CD248: variants seen among roughly 807,000 people sequenced by gnomAD.
CD248 encodes endosialin.
CD248 carries 7 observed loss-of-function variants against 8.0 expected under a neutral mutation model. That is an observed-to-expected ratio of 0.88 (90% CI 0.50 to 1.64). CD248 has a LOEUF of 1.64. CD248 is among the 40% of genes most tolerant of loss of function. The pLI, the probability that CD248 is intolerant of heterozygous loss-of-function variation, is 0.00. For synonymous variants in CD248, 418 were observed against 437.1 expected, an observed-to-expected ratio of 0.96 and a Z score of 0.54; for missense variants, 912 against 1,027.2, an observed-to-expected ratio of 0.89 and a Z score of 1.53.
chr11:66,315,954 G>A lies in CD248; in HGVS notation c.1074C>T (p.Ala358=), dbSNP rs754795252. ...CATCTCCGAGGTCCTGGGAAGCCTG[G>A]GCACCCATGGCCCCTGCAGGGCTGC... is the stretch of plus-strand genomic sequence containing the variant. ...ISCSPAGAMG[A]QASQDLGDEL... Residue 358 remains alanine, a synonymous_variant, in exon 1 of 1, where the codon GCC becomes GCT. Coordinates refer to ENST00000311330, the MANE Select transcript of CD248 (RefSeq NM_020404.3). The surrounding 1 kb of genome is among the most constrained non-coding windows in gnomAD (Gnocchi z 4.3). 1.2e-6 allele frequency: 2 copies of A among 1,613,154 alleles called. No homozygotes were observed. Among genetic ancestry groups the A allele is most frequent in the East Asian group, 2.2e-5 (1 of 44,896 alleles).
Position 66,316,895 on chromosome 11 carries a change from G to A in CD248, c.133C>T (p.Leu45=). 1 of 1,556,558 alleles carries A rather than the reference G, an allele frequency of 6.4e-7. No homozygotes were observed. Residue 45 remains leucine, a synonymous_variant, in exon 1 of 1, where the codon CTG becomes TTG. Transcript: ENST00000311330. ...TCGCGGCAGGCCCGCCAGGCCTCCAGGAAGGTGCGGCGCCGTGGGAAGAGA... is the reference window on the plus strand; with the variant it reads ...TCGCGGCAGGCCCGCCAGGCCTCCAAGAAGGTGCGGCGCCGTGGGAAGAGA... ...YALFPRRRTF[L]EAWRACRELG...
chr11:66,316,036 C>T lies in CD248; in HGVS notation c.992G>A (p.Gly331Asp), dbSNP rs749702408. ...VCQQMCVNYV[G>D]GFECYCSEGH... is the part of the protein sequence containing the mutation. ...CTCGCTACAATAACACTCGAAGCCACCAACGTAGTTGACACACATCTGCTG... is the reference window on the plus strand; with the variant it reads ...CTCGCTACAATAACACTCGAAGCCATCAACGTAGTTGACACACATCTGCTG... The change falls in exon 1 of 1, where the codon GGT (glycine) becomes GAT (aspartate). Residue 331 changes from glycine to aspartate, a missense_variant. Gly to Asp is a moderately conservative substitution (Grantham distance 94). Around this residue, in one of 3 missense-constraint regions of CD248, gnomAD observed 507 missense variants for 562.2 expected, o/e 0.90. Coordinates refer to ENST00000311330, the MANE Select transcript of CD248 (RefSeq NM_020404.3). 1 of 1,613,740 alleles carries T rather than the reference C, an allele frequency of 6.2e-7. No homozygotes were observed. Among genetic ancestry groups the T allele is most frequent in the East Asian group, 2.2e-5 (1 of 44,886 alleles).
rs1327400821 is a variant in CD248, at chr11:66,316,960, G to A, written c.68C>T (p.Ala23Val). The A allele has an allele frequency of 6.5e-7, 1 of 1,544,426 alleles. No individual in the cohort carries two copies. The highest frequency in any genetic ancestry group is 8.6e-7 in the Non-Finnish European group (1 of 1,157,558). ...GGGGCCGCAGGCGGCACGGGGCTCA[G>A]CAGCCCAGGGGTCCTGGCCCAGTGT... ...GPTLGQDPWA[A>V]EPRAACGPSS... Residue 23 changes from alanine to valine, a missense_variant, in exon 1 of 1, where the codon GCT becomes GTT. This residue lies in a region of CD248 where 403 missense variants were observed against 446.2 expected (regional missense o/e 0.90). Coordinates refer to ENST00000311330, the MANE Select transcript of CD248 (RefSeq NM_020404.3).
In CD248 at chr11:66,315,098, G is replaced by A; in HGVS notation, c.1930C>T (p.Gln644Ter). 6.4e-7 allele frequency: 1 copy of A among 1,557,048 alleles called. No individual in the cohort carries two copies. Among genetic ancestry groups the A allele is most frequent in the Non-Finnish European group, 8.7e-7 (1 of 1,150,610 alleles). ...CTGGGGCCATCTTCCCTTGGGATTT[G>A]GGGGGCTTTGGAATGGGGATGTGTA... ...SPTHPHSKAP[Q>*]IPREDGPSPK... The change falls in exon 1 of 1, where the codon CAA becomes TAA. Residue 644 changes from glutamine (Q) to a stop codon, truncating the protein, a stop_gained. Coordinates refer to ENST00000311330, the MANE Select transcript of CD248 (RefSeq NM_020404.3). LOFTEE classifies it high-confidence loss of function. This position sits in a 1 kb window ranked among gnomAD's most constrained non-coding sequence, Gnocchi z 4.3.
rs373280249 is a variant in CD248, at chr11:66,316,533, C to T, written c.495G>A (p.Pro165=). ...LCQFGFEGAC[P]ALQDEAGQAG... ...CCTGGCCCGCCTCATCTTGCAGCGC[C>T]GGGCAGGCGCCCTCGAAGCCAAACT... The change falls in exon 1 of 1, where the codon CCG becomes CCA. Residue 165 remains proline, a synonymous_variant. Transcript: ENST00000311330. 181 of 1,598,998 alleles carry T rather than the reference C, an allele frequency of 1.1e-4. 2 individuals are homozygous for T. The highest frequency in any genetic ancestry group is 4.9e-4 in the Middle Eastern group (3 of 6,074).
chr11:66,315,508 G>C lies in CD248; in HGVS notation c.1520C>G (p.Ala507Gly). 6.2e-7 allele frequency: 1 copy of C among 1,614,100 alleles called. No homozygotes were observed. The highest frequency in any genetic ancestry group is 8.5e-7 in the Non-Finnish European group (1 of 1,180,002). Reference protein sequence around the residue: ...QPGILSVSHSAQPPAHQPPMI... With the variant: ...QPGILSVSHSGQPPAHQPPMI... ...AGGGGGCTGGTGGGCAGGAGGCTGT[G>C]CTGAATGAGAGACAGAGAGAATACC... The change falls in exon 1 of 1, where the codon GCA becomes GGA. Residue 507 changes from alanine to glycine, a missense_variant. Physicochemically the swap from Ala to Gly is moderately conservative, Grantham distance 60. Coordinates refer to ENST00000311330, the MANE Select transcript of CD248 (RefSeq NM_020404.3). The surrounding 1 kb of genome is among the most constrained non-coding windows in gnomAD (Gnocchi z 4.3).
In CD248 at chr11:66,315,665, C is replaced by T. The variant is rs1854538032; in HGVS notation, c.1363G>A (p.Ala455Thr). ...GCAGAAGGCAGTGTGGGATGCGTGG[C>T]AGAGACCACCACAGGCCGGGTGACG... ...LSVTRPVVVS[A>T]THPTLPSAHQ... The change falls in exon 1 of 1, where the codon GCC (alanine) becomes ACC (threonine). Residue 455 changes from alanine (A) to threonine (T), a missense_variant. Transcript: ENST00000311330. This position sits in a 1 kb window ranked among gnomAD's most constrained non-coding sequence, Gnocchi z 4.3. 1 of 1,613,706 alleles carries T rather than the reference C, an allele frequency of 6.2e-7. No homozygotes were observed. Among genetic ancestry groups the T allele is most frequent in the Non-Finnish European group, 8.5e-7 (1 of 1,179,866 alleles).
rs780607015 is a variant in CD248, at chr11:66,315,093, G to T, written c.1935C>A (p.Ile645=). 3 of 1,558,252 alleles carry T rather than the reference G, an allele frequency of 1.9e-6. No individual in the cohort carries two copies. The African/African-American group carries it at 4.1e-5, about 21-fold the overall frequency. ...PTHPHSKAPQ[I]PREDGPSPKL... ...TGGGACTGGGGCCATCTTCCCTTGGGATTTGGGGGGCTTTGGAATGGGGAT... is the reference window on the plus strand; with the variant it reads ...TGGGACTGGGGCCATCTTCCCTTGGTATTTGGGGGGCTTTGGAATGGGGAT... The change falls in exon 1 of 1, where the codon ATC becomes ATA. Residue 645 remains isoleucine, a synonymous_variant. Transcript: ENST00000311330. The surrounding 1 kb of genome is among the most constrained non-coding windows in gnomAD (Gnocchi z 4.3).
In CD248 at chr11:66,315,981, G is replaced by A; in HGVS notation, c.1047C>T (p.Ser349=). Residue 349 remains serine, a synonymous_variant, in exon 1 of 1, where the codon AGC becomes AGT. Transcript: ENST00000311330. The surrounding 1 kb of genome is among the most constrained non-coding windows in gnomAD (Gnocchi z 4.3). The part of the protein sequence containing the change: ...EGHELEADGI[S]CSPAGAMGAQ... ...CACCCATGGCCCCTGCAGGGCTGCA[G>A]CTGATGCCATCAGCCTCCAGCTCAT... The A allele has an allele frequency of 6.2e-7, 1 of 1,613,488 alleles. No homozygotes were observed. The highest frequency in any genetic ancestry group is 8.5e-7 in the Non-Finnish European group (1 of 1,180,028).
rs138260039 is a variant in CD248 at position 66,316,192 on chromosome 11, G to T, written c.836C>A (p.Pro279Gln). 4 of 1,612,556 alleles carry T rather than the reference G, an allele frequency of 2.5e-6. No homozygotes were observed. Among genetic ancestry groups the T allele is most frequent in the Non-Finnish European group, 3.4e-6 (4 of 1,179,940 alleles). Reference protein sequence around the residue: ...RSCEDPCAQAPCEQQCEPGGP... With the variant: ...RSCEDPCAQAQCEQQCEPGGP... ...ACCGGGCTCACACTGCTGCTCGCACGGAGCCTGGGCACAGGGGTCCTCGCA... is the reference window on the plus strand; with the variant it reads ...ACCGGGCTCACACTGCTGCTCGCACTGAGCCTGGGCACAGGGGTCCTCGCA... Residue 279 changes from proline (P) to glutamine (Q), a missense_variant, in exon 1 of 1, where the codon CCG becomes CAG. Transcript: ENST00000311330.
chr11:66,314,801 G>A lies in CD248; in HGVS notation c.2227C>T (p.Pro743Ser). 6.4e-7 allele frequency: 1 copy of A among 1,561,330 alleles called. No individual in the cohort carries two copies. Among genetic ancestry groups the A allele is most frequent in the Non-Finnish European group, 8.7e-7 (1 of 1,152,740 alleles). ...TGCACCCCTGTGAGGCTGCCCCTGG[G>A]GGGCATGGGTTCTGTTGGGCTCTTG... ...GSKSPTEPMP[P>S]RGSLTGVQTC... The change falls in exon 1 of 1, where the codon CCC becomes TCC. Residue 743 changes from proline to serine, a missense_variant. By Grantham distance (74) the Pro-to-Ser change is moderately conservative. Around this residue, in one of 3 missense-constraint regions of CD248, gnomAD observed 507 missense variants for 562.2 expected, o/e 0.90. Transcript: ENST00000311330. This position sits in a 1 kb window ranked among gnomAD's most constrained non-coding sequence, Gnocchi z 4.0.
chr11:66,316,922 C>T lies in CD248; in HGVS notation c.106G>A (p.Ala36Thr), dbSNP rs1854558758. The T allele has an allele frequency of 1.9e-6, 3 of 1,556,906 alleles. No individual in the cohort carries two copies. The highest frequency in any genetic ancestry group is 2.6e-6 in the Non-Finnish European group (3 of 1,162,120). The change falls in exon 1 of 1, where the codon GCT becomes ACT. Residue 36 changes from alanine (A) to threonine (T), a missense_variant. Physicochemically the swap from Ala to Thr is moderately conservative, Grantham distance 58. Around this residue, in one of 3 missense-constraint regions of CD248, gnomAD observed 403 missense variants for 446.2 expected, o/e 0.90. Coordinates refer to ENST00000311330, the MANE Select transcript of CD248 (RefSeq NM_020404.3). ...RAACGPSSCY[A>T]LFPRRRTFLE... is the part of the protein sequence containing the mutation. The stretch of plus-strand genomic sequence containing the variant: ...AAGGTGCGGCGCCGTGGGAAGAGAG[C>T]GTAGCAGCTGCTGGGGCCGCAGGCG...
Position 66,314,804 on chromosome 11 carries a change from G to T in CD248, c.2224C>A (p.Pro742Thr). 1 of 1,562,684 alleles carries T rather than the reference G, an allele frequency of 6.4e-7. No homozygotes were observed. The highest frequency in any genetic ancestry group is 8.7e-7 in the Non-Finnish European group (1 of 1,153,500). The change falls in exon 1 of 1, where the codon CCC (proline) becomes ACC (threonine). Residue 742 changes from proline to threonine, a missense_variant. Transcript: ENST00000311330. This position sits in a 1 kb window ranked among gnomAD's most constrained non-coding sequence, Gnocchi z 4.0. The stretch of plus-strand genomic sequence containing the variant: ...ACCCCTGTGAGGCTGCCCCTGGGGG[G>T]CATGGGTTCTGTTGGGCTCTTGCTC... The part of the protein sequence containing the change: ...AGSKSPTEPM[P>T]PRGSLTGVQT...
rs374558773 is a variant in CD248 at position 66,314,696 on chromosome 11, G to A, written c.*58C>T. On this transcript the variant is annotated 3_prime_UTR_variant, in exon 1 of 1. Coordinates refer to ENST00000311330, the MANE Select transcript of CD248 (RefSeq NM_020404.3). The surrounding 1 kb of genome is among the most constrained non-coding windows in gnomAD (Gnocchi z 4.0). ...GCTGGGCAGCCCCCATGGGTCCCTG[G>A]TGCAGCCCCGGCCATGTGTCCAGCG... 257 of 1,440,292 alleles carry A rather than the reference G, an allele frequency of 1.8e-4. 1 individual carries two copies. In the African/African-American group the frequency reaches 3.2e-3, roughly 18 times the overall value. 89.2% of individuals were successfully genotyped at this position (1,440,292 alleles called of 1,614,324 possible).
Position 66,314,707 on chromosome 11 carries a change from G to T in CD248, c.*47C>A. ...CCCATGGGTCCCTGGTGCAGCCCCG[G>T]CCATGTGTCCAGCGCCCCATACTCC... On this transcript the variant is annotated 3_prime_UTR_variant, in exon 1 of 1. Coordinates refer to ENST00000311330, the MANE Select transcript of CD248 (RefSeq NM_020404.3). The surrounding 1 kb of genome is among the most constrained non-coding windows in gnomAD (Gnocchi z 4.0). 6.8e-7 allele frequency: 1 copy of T among 1,478,514 alleles called. No individual in the cohort carries two copies. Among genetic ancestry groups the T allele is most frequent in the Non-Finnish European group, 9.1e-7 (1 of 1,095,566 alleles). 91.6% of individuals were successfully genotyped at this position (1,478,514 alleles called of 1,614,324 possible). A position where few individuals can be genotyped will look rare whatever the true frequency, so the allele number is the denominator to read the frequency against.
Position 66,316,431 on chromosome 11 carries a change from G to T in CD248, c.597C>A (p.Ala199=). 1 of 1,603,938 alleles carries T rather than the reference G, an allele frequency of 6.2e-7. No homozygotes were observed. The highest frequency in any genetic ancestry group is 8.5e-7 in the Non-Finnish European group (1 of 1,179,768). ...EFEWLPFGSV[A]AVQCQAGRGA... The stretch of plus-strand genomic sequence containing the variant: ...CCCTGCCAGCCTGGCACTGCACAGC[G>T]GCCACAGAGCCGAAGGGCAGCCACT... Residue 199 remains alanine, a synonymous_variant, in exon 1 of 1, where the codon GCC becomes GCA. Transcript: ENST00000311330.
rs764573416 is a variant in CD248 at position 66,316,323 on chromosome 11, G to A, written c.705C>T (p.Cys235=). ...RAGPLCLGTG[C]SPDNGGCEHE... ...GTTCGCAGCCCCCGTTGTCAGGGCTGCAGCCAGTCCCCAGGCACAGGGGCC... is the reference window on the plus strand; with the variant it reads ...GTTCGCAGCCCCCGTTGTCAGGGCTACAGCCAGTCCCCAGGCACAGGGGCC... Residue 235 remains cysteine (C), a synonymous_variant, in exon 1 of 1, where the codon TGC becomes TGT. Transcript: ENST00000311330. 6.2e-7 allele frequency: 1 copy of A among 1,612,234 alleles called. No individual in the cohort carries two copies. The highest frequency in any genetic ancestry group is 8.5e-7 in the Non-Finnish European group (1 of 1,179,650).
Position 66,314,803 on chromosome 11 carries a change from G to T in CD248, c.2225C>A (p.Pro742His), listed in dbSNP as rs769738613. 1.9e-6 allele frequency: 3 copies of T among 1,562,204 alleles called. No individual in the cohort carries two copies. The highest frequency in any genetic ancestry group is 2.6e-6 in the Non-Finnish European group (3 of 1,153,190). ...AGSKSPTEPMPPRGSLTGVQT... is the reference protein window; with the variant it reads ...AGSKSPTEPMHPRGSLTGVQT... The stretch of plus-strand genomic sequence containing the variant: ...CACCCCTGTGAGGCTGCCCCTGGGG[G>T]GCATGGGTTCTGTTGGGCTCTTGCT... Residue 742 changes from proline to histidine, a missense_variant, in exon 1 of 1, where the codon CCC becomes CAC. Transcript: ENST00000311330. The surrounding 1 kb of genome is among the most constrained non-coding windows in gnomAD (Gnocchi z 4.0).
rs1854540491 is a variant in CD248, at chr11:66,315,807, G to A, written c.1221C>T (p.Ala407=). 1 of 1,613,820 alleles carries A rather than the reference G, an allele frequency of 6.2e-7. No homozygotes were observed. The highest frequency in any genetic ancestry group is 1.3e-5 in the African/African-American group (1 of 74,874). The change falls in exon 1 of 1, where the codon GCC becomes GCT. Residue 407 remains alanine (A), a synonymous_variant. Coordinates refer to ENST00000311330, the MANE Select transcript of CD248 (RefSeq NM_020404.3). This position sits in a 1 kb window ranked among gnomAD's most constrained non-coding sequence, Gnocchi z 4.3. ...CTGGGAAGCTCGGTCTATAGGCCAG[G>A]GCAAAGTCAGGCGGCTGCGTAGGCT... ...WMEPTQPPDF[A]LAYRPSFPED...
Sources: allele counts gnomAD v4.1 joint callset, GRCh38; gene constraint gnomAD v4.1.1; regional missense constraint gnomAD v4.1.1; non-coding constraint Gnocchi (gnomAD v3.1); transcripts MANE v1.5; gene names NCBI Gene and HGNC (gene_info 2026-07-23, HGNC 2026-07-21).